NBAS: variants seen among roughly 807,000 people sequenced by gnomAD.
NBAS encodes the protein NBAS subunit of NRZ tethering complex.
A neutral mutation model predicts 302.5 loss-of-function variants in NBAS; 219 were observed. That is an observed-to-expected ratio of 0.72 (90% CI 0.65 to 0.81). NBAS has a LOEUF of 0.81. Among genes scored for constraint, NBAS ranks in the 30% least tolerant of loss-of-function variants. The probability of loss-of-function intolerance (pLI) is 0.00; values close to 1 mark genes in which losing one functional copy is unlikely to be tolerated. For synonymous variants in NBAS, 1,118 were observed against 1,021.6 expected (o/e 1.09, Z -1.80); for missense variants, 2,932 against 2,841.6 (o/e 1.03, Z -0.72).
chr2:14,976,516 C>A, the NBAS span, among the ~76,000 whole-genome samples: 1 of 152,188 alleles, frequency 6.6e-6, no homozygotes, highest in Non-Finnish European at 1.5e-5. Flanking sequence ...AATGTTTATA[C>A]CCTGGGAGTA....
At chr2:14,849,676 G>A in the NBAS span, among the ~76,000 whole-genome samples, 28 of 140,332 alleles carry the variant, frequency 2.0e-4, 3 homozygotes, top group Admixed American at 1.4e-3. Flanking sequence ...AGGGCAGCCA[G>A]AGAGAAAGGT....
At chr2:15,184,629 G>A (rs977311490) in intron 50 of NBAS, among the ~76,000 whole-genome samples, 7 of 152,188 alleles carry the variant, frequency 4.6e-5, no homozygotes, top group Non-Finnish European at 1.0e-4. Flanking sequence ...GGGAGCAGCT[G>A]TAAATACAGA....
Position 15,366,595 on chromosome 2 carries a change from G to A in NBAS, c.3802C>T (p.Leu1268=). 1 of 1,614,020 alleles carries A rather than the reference G, an allele frequency of 6.2e-7. No individual in the cohort carries two copies. Among genetic ancestry groups the A allele is most frequent in the Non-Finnish European group, 8.5e-7 (1 of 1,179,894 alleles). ...QSTKLLGLAE[L]LRVAGENPEE... ...AAAGACTTACCTGCAACCCTCAGCA[G>A]CTCAGCAAGGCCCAGAAGCTTGGTG... The change falls in exon 32 of 52, where the codon CTG becomes TTG. Residue 1268 remains leucine, a synonymous_variant. Coordinates refer to ENST00000281513, the MANE Select transcript of NBAS (RefSeq NM_015909.4).
chr2:15,207,868 G>A (rs535898358), intron 48 of NBAS, among the ~76,000 whole-genome samples: 15 of 151,676 alleles, frequency 9.9e-5, no homozygotes, highest in Admixed American at 6.6e-4. Context: ...CTTTACAGCC[G>A]TGTGAAAATG....
the NBAS span, among the ~76,000 whole-genome samples, chr2:14,819,605 TAA>T: frequency 1.3e-5 from 2 of 152,220 alleles, no homozygotes; most frequent in African/African-American, 4.8e-5. Context: ...CCAATAGGAC[TAA>T]GTCATAGACA....
At chr2:15,436,094 T>C (rs971474324) in intron 21 of NBAS, among the ~76,000 whole-genome samples, 2 of 152,242 alleles carry the variant, frequency 1.3e-5, no homozygotes, top group Admixed American at 1.3e-4. Context: ...GAATGATCAG[T>C]AGGAACAGAC....
the NBAS span, among the ~76,000 whole-genome samples, chr2:14,829,223 T>G: frequency 6.6e-6 from 1 of 152,138 alleles, no homozygotes; most frequent in African/African-American, 2.4e-5. Flanking sequence ...TGAACTCAGC[T>G]GCTCAGGTCT....
intron 32 of NBAS, among the ~76,000 whole-genome samples, chr2:15,365,658 C>T (rs1309263600): frequency 6.6e-6 from 1 of 152,150 alleles, no homozygotes; most frequent in East Asian, 1.9e-4. Context: ...TATAAAGATG[C>T]TGATGCTATA....
chr2:15,034,030 G>A, the NBAS span, among the ~76,000 whole-genome samples: 2,527 of 44,110 alleles, frequency 0.057, 225 homozygotes, highest in East Asian at 0.4. Flanking sequence ...AGAAGAAGAG[G>A]AGGAGGAAGG....
In NBAS at chr2:15,409,109, T is replaced by C. The variant is rs114940150; in HGVS notation, c.2937+6437A>G. Reference sequence around the variant, plus strand: ...AATTTTCCTTGACATTTAACACATATATATTATTTCATTGTCTGCTGGTAT... The same window carrying C: ...AATTTTCCTTGACATTTAACACATACATATTATTTCATTGTCTGCTGGTAT... On this transcript the variant is annotated intron_variant, in intron 25 of 51. Transcript: ENST00000281513. Among the ~76,000 whole-genome samples the C allele has an allele frequency of 6.8e-3, 1,031 of 152,326 alleles. 12 individuals carry two copies. Among genetic ancestry groups the C allele is most frequent in the African/African-American group, 0.022 (929 of 41,566 alleles).
chr2:14,811,294 A>C, the NBAS span, among the ~76,000 whole-genome samples: 2 of 152,094 alleles, frequency 1.3e-5, no homozygotes, highest in Non-Finnish European at 2.9e-5. Context: ...TCTGTATTCC[A>C]AGCTACCGGG....
chr2:15,452,875 C>T (rs1480258649), intron 21 of NBAS, among the ~76,000 whole-genome samples: 3 of 152,192 alleles, frequency 2.0e-5, no homozygotes, highest in African/African-American at 4.8e-5. Context: ...CTCACGTAAT[C>T]ATTTATTCAT....
intron 44 of NBAS, among the ~76,000 whole-genome samples, chr2:15,270,999 T>C (rs34644815): frequency 2.4e-3 from 368 of 152,312 alleles, no homozygotes; most frequent in Non-Finnish European, 3.2e-3. Flanking sequence ...AAGATAGTAT[T>C]GGCAATATAG....
chr2:14,994,866 A>G, the NBAS span, among the ~76,000 whole-genome samples: 1 of 152,264 alleles, frequency 6.6e-6, no homozygotes, highest in East Asian at 1.9e-4. Flanking sequence ...TAACTTCCCA[A>G]CAGGGAGCTG....
intron 11 of NBAS, among the ~76,000 whole-genome samples, chr2:15,503,188 C>T (rs186739403): frequency 1.2e-4 from 19 of 152,164 alleles, no homozygotes; most frequent in African/African-American, 3.9e-4. Flanking sequence ...AATGCCTTTC[C>T]GTGCAATGCC....
chr2:15,361,343 T>C (rs1304383663), intron 32 of NBAS, among the ~76,000 whole-genome samples: 1 of 152,014 alleles, frequency 6.6e-6, no homozygotes, highest in African/African-American at 2.4e-5. Flanking sequence ...TGAAATCCCA[T>C]CTCTACTAAA....
the NBAS span, among the ~76,000 whole-genome samples, chr2:14,816,303 C>T: frequency 6.6e-6 from 1 of 152,210 alleles, no homozygotes. Context: ...GCATTAGAGT[C>T]TCATAGGAGC....
intron 1 of NBAS, among the ~76,000 whole-genome samples, chr2:15,559,836 A>G (rs1028071509): frequency 7.2e-5 from 11 of 152,236 alleles, no homozygotes; most frequent in Non-Finnish European, 1.6e-4. Context: ...CATTACTGCA[A>G]TTAACCAATG....
intron 38 of NBAS, among the ~76,000 whole-genome samples, chr2:15,319,477 T>C (rs1334946860): frequency 1.4e-5 from 2 of 147,854 alleles, no homozygotes; most frequent in Non-Finnish European, 3.0e-5. Context: ...TTTTAAAAGA[T>C]CAACAAAATT....
Sources: gnomAD v4.1 joint callset for allele counts (sites outside exome capture counted in the v4.1 genomes callset) on GRCh38, gnomAD v4.1.1 for gene constraint, MANE v1.5 for transcripts, NCBI Gene and HGNC (gene_info 2026-07-23, HGNC 2026-07-21) for gene names.